Variants in ALDH1L1 observed in about 807,000 individuals in gnomAD.
ALDH1L1 encodes the protein cytosolic 10-formyltetrahydrofolate dehydrogenase.
Under a neutral mutation model 101.1 loss-of-function variants are expected in ALDH1L1, and 68 were observed. The ratio of observed to expected loss-of-function variants is 0.67; its 90% CI spans 0.55 to 0.82. The LOEUF (loss-of-function observed/expected upper bound fraction) is 0.82, where lower values mean the gene tolerates loss of function less well. ALDH1L1 is among the 40% of genes least tolerant of loss of function. The pLI is 0.00. For missense variants in ALDH1L1, 1,087 were observed against 1,172.7 expected (o/e 0.93, Z 1.07); for synonymous variants, 486 against 470.8 (o/e 1.03, Z -0.42).
chr3:126,188,250 T>C (rs2081532509), intron 1 of ALDH1L1, among the ~76,000 whole-genome samples: 1 of 152,232 alleles, frequency 6.6e-6, no homozygotes, highest in Non-Finnish European at 1.5e-5. Flanking sequence ...TATTGGCAGT[T>C]TCTGCATCTA....
intron 6 of ALDH1L1, among the ~76,000 whole-genome samples, chr3:126,154,212 AC>A (rs1027908866): frequency 1.4e-4 from 22 of 152,210 alleles, no homozygotes; most frequent in Admixed American, 1.4e-3. Context: ...GTGCTGCTCC[AC>A]CCTGCCTGAG....
At position 126,157,324 on chromosome 3, in the gene ALDH1L1, G is replaced by A; in HGVS notation, c.528+19C>T. 6.2e-7 allele frequency: 1 copy of A among 1,600,240 alleles called. No homozygotes were observed. The highest frequency in any genetic ancestry group is 8.5e-7 in the Non-Finnish European group (1 of 1,170,610). On this transcript the variant is annotated intron_variant, in intron 4 of 22. Coordinates refer to ENST00000393434, the MANE Select transcript of ALDH1L1 (RefSeq NM_012190.4). ...GGTGCGTCGGGGCGGGCAGGGCGCGGCCGGCTCCAGGTCCTCACCATCCCT... is the reference window on the plus strand; with the variant it reads ...GGTGCGTCGGGGCGGGCAGGGCGCGACCGGCTCCAGGTCCTCACCATCCCT...
rs755431864 is a variant in ALDH1L1 at position 126,125,615 on chromosome 3, C to A, written c.1800+1G>T. 4 of 1,559,572 alleles carry A rather than the reference C, an allele frequency of 2.6e-6. No homozygotes were observed. Among genetic ancestry groups the A allele is most frequent in the East Asian group, 2.4e-5 (1 of 42,050 alleles). ...CCTGTCCAGAGTGAACCCACGCTCA[C>A]CTGAGCAGGCTTGATCACCACTGTG... On this transcript the variant is annotated splice_donor_variant, in intron 15 of 22. Transcript: ENST00000393434. LOFTEE classifies it high-confidence loss of function.
At chr3:126,195,225 A>G (rs1029962636) in intron 1 of ALDH1L1, among the ~76,000 whole-genome samples, 26 of 152,162 alleles carry the variant, frequency 1.7e-4, no homozygotes, top group Non-Finnish European at 5.9e-5. Context: ...TGACCTGTCT[A>G]TATTAGACCA....
intron 8 of ALDH1L1, among the ~76,000 whole-genome samples, chr3:126,148,710 TA>T (rs756910737): frequency 2.0e-5 from 3 of 149,756 alleles, no homozygotes; most frequent in Non-Finnish European, 3.0e-5. Flanking sequence ...ACCTACTGCA[TA>T]GAGTTGTTAT....
rs1387130405 is a variant in ALDH1L1 at position 126,157,418 on chromosome 3, C to A, written c.453G>T (p.Glu151Asp). 7 of 1,614,046 alleles carry A rather than the reference C, an allele frequency of 4.3e-6. No individual in the cohort carries two copies. Among genetic ancestry groups the A allele is most frequent in the Admixed American group, 1.7e-5 (1 of 60,008 alleles). The change falls in exon 4 of 23, where the codon GAG becomes GAT. Residue 151 changes from glutamate to aspartate, a missense_variant. This residue lies in a region of ALDH1L1 where 645 missense variants were observed against 637.0 expected (regional missense o/e 1.01). Transcript: ENST00000393434. Reference sequence around the variant, plus strand: ...CGGTGTCGTCCGGGAGCACCTCACACTCCTTCTGCAGCAGCAGGTCTCCGG... The same window carrying A: ...CGGTGTCGTCCGGGAGCACCTCACAATCCTTCTGCAGCAGCAGGTCTCCGG... The part of the protein sequence containing the change: ...LDTGDLLLQK[E>D]CEVLPDDTVS...
At chr3:126,118,436 T>C (rs577860671) in intron 16 of ALDH1L1, among the ~76,000 whole-genome samples, 27 of 152,066 alleles carry the variant, frequency 1.8e-4, no homozygotes, top group Non-Finnish European at 2.9e-4. Flanking sequence ...GAAGAGGAGA[T>C]TTGGGCAATG....
At chr3:126,153,038 G>A (rs915533586) in intron 7 of ALDH1L1, 6 of 312,560 alleles carry the variant, frequency 1.9e-5, no homozygotes, top group East Asian at 8.1e-5. Flanking sequence ...TGGCATCGCC[G>A]TTCAAAGAGA....
chr3:126,104,426 T>G (rs1428268751), intron 22 of ALDH1L1: 1 of 158,040 alleles, frequency 6.3e-6, no homozygotes, highest in Non-Finnish European at 1.4e-5. Context: ...TTGGAAGGCT[T>G]GGCTTGTGGG....
chr3:126,151,668 CTG>C (rs2080810108), intron 7 of ALDH1L1: 3 of 152,360 alleles, frequency 2.0e-5, no homozygotes, highest in African/African-American at 2.4e-5. Context: ...GAATGGTACT[CTG>C]TATGCATGCT....
intron 22 of ALDH1L1, 197 bp from the exon 23 acceptor site, chr3:126,104,043 C>A: frequency 3.3e-6 from 2 of 614,944 alleles, no homozygotes; most frequent in Admixed American, 2.8e-5. Flanking sequence ...CAGGACTCCC[C>A]AGAATACAAA....
intron 6 of ALDH1L1, 127 bp from the exon 7 acceptor site, chr3:126,153,708 C>T: frequency 8.0e-7 from 1 of 1,246,294 alleles, no homozygotes; most frequent in Admixed American, 2.8e-5. Flanking sequence ...TGGGAGCCGG[C>T]TCAAAGCCCA....
At chr3:126,135,919 C>T (rs79036801) in intron 11 of ALDH1L1, among the ~76,000 whole-genome samples, 9,455 of 152,216 alleles carry the variant, frequency 0.062, 919 homozygotes, top group African/African-American at 0.21. Context: ...GTGTGCCATC[C>T]GTGCAGGCTC....
chr3:126,154,778 C>G (rs920081950), intron 5 of ALDH1L1, 135 bp from the exon 6 acceptor site: 1 of 729,620 alleles, frequency 1.4e-6, no homozygotes, highest in Non-Finnish European at 2.4e-6. Context: ...TTGCAGGAGT[C>G]CCTGAGCTGG....
chr3:126,180,982 A>T (rs1283932336), upstream of ALDH1L1: 1 of 1,610,150 alleles, frequency 6.2e-7, no homozygotes, highest in Non-Finnish European at 8.5e-7. Flanking sequence ...CTACGGACAC[A>T]GCAGAGCGAA....
At chr3:126,113,035 A>G (rs1946131732) in intron 18 of ALDH1L1, among the ~76,000 whole-genome samples, 155 bp from the exon 19 acceptor site, 1 of 152,132 alleles carries the variant, frequency 6.6e-6, no homozygotes, top group Non-Finnish European at 1.5e-5. Flanking sequence ...CAGTCACCTC[A>G]AGAGGAGAGG....
chr3:126,161,647 C>T (rs541961309), intron 1 of ALDH1L1, among the ~76,000 whole-genome samples: 6 of 152,350 alleles, frequency 3.9e-5, no homozygotes, highest in South Asian at 4.1e-4. Flanking sequence ...ATTCACCTCA[C>T]GCATATCTGT....
chr3:126,132,280 C>T (rs963127445), intron 12 of ALDH1L1, among the ~76,000 whole-genome samples: 1 of 152,200 alleles, frequency 6.6e-6, no homozygotes, highest in Non-Finnish European at 1.5e-5. Flanking sequence ...AGTGTGGGAC[C>T]AAAGCCTGCC....
chr3:126,152,984 G>A (rs1031185633), intron 7 of ALDH1L1: 1 of 272,382 alleles, frequency 3.7e-6, no homozygotes, highest in Admixed American at 5.0e-5. Flanking sequence ...ACAAGAGCAG[G>A]TGGCCGGCAT....
Sources: gnomAD v4.1 joint callset for allele counts (sites outside exome capture counted in the v4.1 genomes callset) on GRCh38, gnomAD v4.1.1 for gene constraint, gnomAD v4.1.1 regional missense constraint, MANE v1.5 for transcripts, NCBI Gene and HGNC (gene_info 2026-07-23, HGNC 2026-07-21) for gene names.